Variants in TSPAN12 observed in about 807,000 individuals in gnomAD.
The protein encoded by TSPAN12 is tetraspanin-12.
TSPAN12 carries 19 observed loss-of-function variants against 39.2 expected under a neutral mutation model. That is an observed-to-expected ratio of 0.49 (90% CI 0.34 to 0.71). TSPAN12 has a LOEUF of 0.71. Ranked by LOEUF, TSPAN12 falls within the 30% of genes least tolerant of loss-of-function variation. TSPAN12 has a pLI of 0.01. For missense variants in TSPAN12, 314 were observed against 359.9 expected (o/e 0.87, Z 1.03); for synonymous variants, 119 against 124.8 (o/e 0.95, Z 0.31).
intron 4 of TSPAN12, among the ~76,000 whole-genome samples, chr7:120,820,884 T>C (rs1794176364): frequency 6.6e-6 from 1 of 152,108 alleles, no homozygotes; most frequent in Non-Finnish European, 1.5e-5. Context: ...TGCCTACACA[T>C]TTCTATTTTA....
intron 4 of TSPAN12, among the ~76,000 whole-genome samples, chr7:120,835,273 C>T (rs1303696404): frequency 6.6e-6 from 1 of 152,146 alleles, no homozygotes; most frequent in African/African-American, 2.4e-5. Flanking sequence ...ATCAGGAACG[C>T]CGAGGTCTGA....
intron 7 of TSPAN12, among the ~76,000 whole-genome samples, chr7:120,803,256 C>T (rs148395933): frequency 1.3e-4 from 20 of 152,270 alleles, no homozygotes; most frequent in African/African-American, 2.9e-4. Flanking sequence ...GGAGCAACAA[C>T]GTGTAAGTCT....
intron 6 of TSPAN12, among the ~76,000 whole-genome samples, 178 bp from the exon 7 acceptor site, chr7:120,806,870 C>T (rs976105499): frequency 4.0e-4 from 61 of 152,046 alleles, no homozygotes; most frequent in Admixed American, 3.2e-3. Context: ...CCATGGCTAA[C>T]GATTGCATAA....
chr7:120,796,012 T>C (rs926520410), intron 7 of TSPAN12, among the ~76,000 whole-genome samples: 2 of 152,224 alleles, frequency 1.3e-5, no homozygotes, highest in Non-Finnish European at 2.9e-5. Flanking sequence ...CCCTATTACA[T>C]AGGTAGAATA....
At chr7:120,812,340 G>T (rs959695062) in intron 5 of TSPAN12, among the ~76,000 whole-genome samples, 2 of 152,072 alleles carry the variant, frequency 1.3e-5, no homozygotes, top group Non-Finnish European at 2.9e-5. Flanking sequence ...GGCAACTCTG[G>T]GAAACTGGAT....
intron 6 of TSPAN12, 42 bp from the exon 7 acceptor site, chr7:120,806,734 T>C (rs1224274193): frequency 6.2e-7 from 1 of 1,611,896 alleles, no homozygotes; most frequent in African/African-American, 1.3e-5. Context: ...ACCACAAAAA[T>C]ATTTTCTTAA....
chr7:120,820,527 T>C (rs1794169312), intron 4 of TSPAN12, among the ~76,000 whole-genome samples: 1 of 152,130 alleles, frequency 6.6e-6, no homozygotes, highest in Admixed American at 6.6e-5. Context: ...TTTTACCTCC[T>C]ATTCTTTATT....
intron 3 of TSPAN12, among the ~76,000 whole-genome samples, chr7:120,839,154 C>T (rs1026189323): frequency 6.6e-6 from 1 of 152,032 alleles, no homozygotes; most frequent in Non-Finnish European, 1.5e-5. Flanking sequence ...TTTCCTACCC[C>T]AACTCATTTA....
chr7:120,798,644 G>A (rs1490667235), intron 7 of TSPAN12, among the ~76,000 whole-genome samples: 3 of 151,964 alleles, frequency 2.0e-5, no homozygotes, highest in Non-Finnish European at 4.4e-5. Context: ...GCAACTATTC[G>A]CAGACTTCAG....
intron 4 of TSPAN12, among the ~76,000 whole-genome samples, chr7:120,837,710 C>G (rs1475047868): frequency 6.6e-6 from 1 of 152,200 alleles, no homozygotes; most frequent in African/African-American, 2.4e-5. Context: ...ACAGGTTATA[C>G]TGTGAAATTC....
chr7:120,834,212 T>C, intron 4 of TSPAN12, among the ~76,000 whole-genome samples: 1 of 152,342 alleles, frequency 6.6e-6, no homozygotes, highest in South Asian at 2.1e-4. Context: ...TTTTAGTATA[T>C]GTATATTCTA....
chr7:120,788,299 A>G lies in TSPAN12; in HGVS notation c.*293T>C, dbSNP rs1411182731. On this transcript the variant is annotated 3_prime_UTR_variant, in exon 8 of 8. Coordinates refer to ENST00000222747, the MANE Select transcript of TSPAN12 (RefSeq NM_012338.4). The stretch of plus-strand genomic sequence containing the variant: ...TCGTTTGCATGGATGCGGAAATGCT[A>G]ATCAAACCATGCTGCCTCAAAACAT... 2.4e-6 allele frequency: 1 copy of G among 416,548 alleles called. No homozygotes were observed. Among genetic ancestry groups the G allele is most frequent in the Non-Finnish European group, 4.4e-6 (1 of 226,108 alleles). The allele number at this position is 416,548 out of a possible 1,614,324, so 25.8% of individuals were successfully genotyped here. A position where few individuals can be genotyped will look rare whatever the true frequency, so the allele number is the denominator to read the frequency against.
chr7:120,842,904 C>T (rs146532370), intron 2 of TSPAN12, among the ~76,000 whole-genome samples: 138 of 151,510 alleles, frequency 9.1e-4, no homozygotes, highest in African/African-American at 2.9e-3. Flanking sequence ...ATTTGTAGGA[C>T]GCATTCTAGA....
chr7:120,806,767 T>G, intron 6 of TSPAN12, 75 bp from the exon 7 acceptor site: 2 of 1,574,316 alleles, frequency 1.3e-6, no homozygotes, highest in Non-Finnish European at 1.7e-6. Context: ...TAAACATCAG[T>G]TTTTTAAAAT....
In TSPAN12 at chr7:120,815,917, T is replaced by C. The variant is rs1794071816; in HGVS notation, c.286-114A>G. 5.7e-6 allele frequency: 5 copies of C among 871,490 alleles called. No individual in the cohort carries two copies. In the South Asian group the frequency reaches 5.9e-5, roughly 10 times the overall value. 54.0% of individuals were successfully genotyped at this position (871,490 alleles called of 1,614,324 possible). A position where few individuals can be genotyped will look rare whatever the true frequency, so the allele number is the denominator to read the frequency against. ...CCAAGAAAACAGAGGCAAGTTTTCA[T>C]GAAGCCCCTCAGAAGCAGATGGGGA... On this transcript the variant is annotated intron_variant, in intron 4 of 7. Coordinates refer to ENST00000222747, the MANE Select transcript of TSPAN12 (RefSeq NM_012338.4).
Position 120,810,566 on chromosome 7 carries a change from G to A in TSPAN12, c.365C>T (p.Pro122Leu). Residue 122 changes from proline (P) to leucine (L), a missense_variant, in exon 6 of 8, where the codon CCA (proline) becomes CTA (leucine). Pro to Leu is a moderately conservative substitution (Grantham distance 98, BLOSUM62 -3). Transcript: ENST00000222747. ...AGTGACCATATCTGACCATTGTACT[G>A]GAACCTGGTGATAAAAAGCAAAATA... ...VWTYEQELMV[P>L]VQWSDMVTLK... 6.2e-7 allele frequency: 1 copy of A among 1,610,502 alleles called. No homozygotes were observed. Among genetic ancestry groups the A allele is most frequent in the Non-Finnish European group, 8.5e-7 (1 of 1,177,642 alleles).
intron 7 of TSPAN12, among the ~76,000 whole-genome samples, chr7:120,793,327 C>A (rs1793569564): frequency 6.6e-6 from 1 of 152,136 alleles, no homozygotes; most frequent in South Asian, 2.1e-4. Context: ...AATGACAAAA[C>A]AGCTTTTTCG....
At chr7:120,819,492 AT>A in intron 4 of TSPAN12, among the ~76,000 whole-genome samples, 1 of 152,008 alleles carries the variant, frequency 6.6e-6, no homozygotes, top group African/African-American at 2.4e-5. Flanking sequence ...ATACAAAATA[AT>A]TTTTTTTCTT....
Position 120,830,773 on chromosome 7 carries a change from A to T in TSPAN12, c.285+8004T>A, listed in dbSNP as rs536819810. On this transcript the variant is annotated intron_variant, in intron 4 of 7. Coordinates refer to ENST00000222747, the MANE Select transcript of TSPAN12 (RefSeq NM_012338.4). ...AATATGACCCCAAAGTCACAGACAG[A>T]AAAAAAGCAGAAATAGACACATGAG... Among the ~76,000 whole-genome samples, 4 of 152,224 alleles carry T rather than the reference A, an allele frequency of 2.6e-5. No homozygotes were observed. In the East Asian group the frequency reaches 7.7e-4, roughly 29 times the overall value.
Sources: allele counts gnomAD v4.1 joint callset (sites outside exome capture counted in the v4.1 genomes callset), GRCh38; gene constraint gnomAD v4.1.1; transcripts MANE v1.5; gene names NCBI Gene and HGNC (gene_info 2026-07-23, HGNC 2026-07-21).